Variants in EPHB4 observed in about 807,000 individuals in gnomAD.
The protein encoded by EPHB4 is EPH receptor B4.
A neutral mutation model predicts 110.6 loss-of-function variants in EPHB4; 50 were observed. That is an observed-to-expected ratio of 0.45 (90% CI 0.36 to 0.57). The LOEUF (loss-of-function observed/expected upper bound fraction) is 0.57, where lower values mean the gene tolerates loss of function less well. Ranked by LOEUF, EPHB4 falls within the 20% of genes least tolerant of loss-of-function variation. The pLI is 0.00. For missense variants in EPHB4, 1,128 were observed against 1,382.1 expected (o/e 0.82, Z 2.91); for synonymous variants, 592 against 578.4 (o/e 1.02, Z -0.34).
chr7:100,812,885 C>T lies in EPHB4; in HGVS notation c.1980G>A (p.Glu660=), dbSNP rs1584658071. The T allele has an allele frequency of 6.2e-7, 1 of 1,614,142 alleles. No individual in the cohort carries two copies. The highest frequency in any genetic ancestry group is 1.3e-5 in the African/African-American group (1 of 74,952). Residue 660 remains glutamate (E), a synonymous_variant, in exon 12 of 17, where the codon GAG becomes GAA. Transcript: ENST00000358173. ...KGGYTERQRR[E]FLSEASIMGQ... is the part of the protein sequence containing the mutation. ...CCATGATGGAGGCCTCGCTCAGAAA[C>T]TCACGCCGCTGCCGCTCCGTGTAGC...
chr7:100,820,407 G>A (rs1351389221), intron 4 of EPHB4, 111 bp from the exon 5 acceptor site: 1 of 1,369,356 alleles, frequency 7.3e-7, no homozygotes, highest in African/African-American at 1.5e-5. Context: ...GAGGCTGGAG[G>A]ATCGCTTGAG....
At position 100,812,911 on chromosome 7, in the gene EPHB4, C is replaced by T. The variant is rs950348363; in HGVS notation, c.1954G>A (p.Gly652Ser). The T allele has an allele frequency of 2.0e-5, 33 of 1,614,228 alleles. No individual in the cohort carries two copies. Among genetic ancestry groups the T allele is most frequent in the Non-Finnish European group, 2.8e-5 (33 of 1,180,046 alleles). The change falls in exon 12 of 17, where the codon GGC becomes AGC. Residue 652 changes from glycine to serine, a missense_variant. Coordinates refer to ENST00000358173, the MANE Select transcript of EPHB4 (RefSeq NM_004444.5). ...SCVAIKTLKG[G>S]YTERQRREFL... The stretch of plus-strand genomic sequence containing the variant: ...TCACGCCGCTGCCGCTCCGTGTAGC[C>T]ACCCTTCAGGGTCTTGATTGCCACA...
intron 12 of EPHB4, 47 bp downstream of exon 12, chr7:100,812,700 G>T (rs1562969121): frequency 1.9e-6 from 3 of 1,584,456 alleles, no homozygotes; most frequent in East Asian, 2.2e-5. Flanking sequence ...GCCTCTGGGT[G>T]TAAGTGGGAA....
rs1245972494 is a variant in EPHB4, at chr7:100,823,550, G to T, written c.411+94C>A. 2.7e-6 allele frequency: 4 copies of T among 1,496,912 alleles called. No homozygotes were observed. In the East Asian group the frequency reaches 6.9e-5, roughly 26 times the overall value. 92.7% of individuals were successfully genotyped at this position (1,496,912 alleles called of 1,614,324 possible). On this transcript the variant is annotated intron_variant, in intron 3 of 16. Coordinates refer to ENST00000358173, the MANE Select transcript of EPHB4 (RefSeq NM_004444.5). ...TCCAGCCCCCAGCGCGCGGGCCAGAGGCCTCGCAACTACATCGGCTGCCCT... is the reference window on the plus strand; with the variant it reads ...TCCAGCCCCCAGCGCGCGGGCCAGATGCCTCGCAACTACATCGGCTGCCCT...
At chr7:100,808,522 A>G (rs314353) in intron 12 of EPHB4, among the ~76,000 whole-genome samples, 76,650 of 152,014 alleles carry the variant, frequency 0.5, 20,587 homozygotes, top group Middle Eastern at 0.73. Context: ...TCACCTGAGC[A>G]ACCCGTCTAC....
intron 12 of EPHB4, among the ~76,000 whole-genome samples, chr7:100,812,032 C>T (rs1812947249): frequency 6.6e-6 from 1 of 151,946 alleles, no homozygotes; most frequent in Non-Finnish European, 1.5e-5. Context: ...ATTAGTCAAG[C>T]GTGGTGGCAC....
At chr7:100,810,531 C>A (rs1375245145) in intron 12 of EPHB4, among the ~76,000 whole-genome samples, 1 of 151,808 alleles carries the variant, frequency 6.6e-6, no homozygotes, top group Admixed American at 6.6e-5. Flanking sequence ...CGCTTGAGTC[C>A]AGGAGTTTGA....
At chr7:100,812,563 T>C (rs1420369911) in intron 12 of EPHB4, among the ~76,000 whole-genome samples, 184 bp downstream of exon 12, 1 of 152,016 alleles carries the variant, frequency 6.6e-6, no homozygotes, top group Non-Finnish European at 1.5e-5. Flanking sequence ...CACTCCAGCC[T>C]GGGCGACAGA....
At position 100,827,099 on chromosome 7, in the gene EPHB4, C is replaced by G. The variant is rs1284168428; in HGVS notation, c.-69G>C. On this transcript the variant is annotated 5_prime_UTR_variant, in exon 1 of 17. Coordinates refer to ENST00000358173, the MANE Select transcript of EPHB4 (RefSeq NM_004444.5). ...CCCTCGCCCCCCCAGGTCTGACTCTCCCTGGGCGGGTGGACGCCGATACTC... is the reference window on the plus strand; with the variant it reads ...CCCTCGCCCCCCCAGGTCTGACTCTGCCTGGGCGGGTGGACGCCGATACTC... The G allele has an allele frequency of 6.6e-7, 1 of 1,505,062 alleles. No homozygotes were observed. The highest frequency in any genetic ancestry group is 9.0e-7 in the Non-Finnish European group (1 of 1,114,062). 93.2% of individuals were successfully genotyped at this position (1,505,062 alleles called of 1,614,324 possible).
At chr7:100,814,521 C>T (rs1485009443) in intron 8 of EPHB4, among the ~76,000 whole-genome samples, 4 of 152,172 alleles carry the variant, frequency 2.6e-5, no homozygotes, top group Middle Eastern at 3.4e-3. Context: ...CATGCCCAGC[C>T]GCCAGAGTGG....
chr7:100,821,310 G>A (rs1813224994), intron 4 of EPHB4: 1 of 151,790 alleles, frequency 6.6e-6, no homozygotes, highest in Non-Finnish European at 1.5e-5. Context: ...ATGTTGGTCA[G>A]GCAGGTCGCC....
intron 7 of EPHB4, 37 bp from the exon 8 acceptor site, chr7:100,817,394 G>A (rs1461346122): frequency 1.3e-6 from 2 of 1,509,208 alleles, no homozygotes; most frequent in Non-Finnish European, 1.8e-6. Context: ...CGTCACCCGG[G>A]AACCCAAGTT....
rs539443201 is a variant in EPHB4 at position 100,812,001 on chromosome 7, C to T, written c.2118+746G>A. On this transcript the variant is annotated intron_variant, in intron 12 of 16. Transcript: ENST00000358173. ...AGCCTGACCAACACAGAGAAACCCC[C>T]GTCTCTACTAAAAATACAAAATTAG... 1.8e-4 allele frequency among the ~76,000 whole-genome samples: 27 copies of T among 151,832 alleles called. No individual in the cohort carries two copies. In the South Asian group the frequency reaches 4.2e-3, roughly 23 times the overall value.
rs141919245 is a variant in EPHB4, at chr7:100,826,955, G to GCC, written c.52+22_52+23dup. On this transcript the variant is annotated intron_variant, in intron 1 of 16. Coordinates refer to ENST00000358173, the MANE Select transcript of EPHB4 (RefSeq NM_004444.5). ...GGAGGTCCCAGGAGTGACGGGGTGC[G>GCC]CCCCCCCCCGCAAGGAAACTCACCT... 3.4e-3 allele frequency: 5,074 copies of GCC among 1,480,110 alleles called. 8 individuals carry two copies. The highest frequency in any genetic ancestry group is 0.013 in the East Asian group (484 of 38,278). The allele number at this position is 1,480,110 out of a possible 1,614,324, so 91.7% of individuals were successfully genotyped here.
At chr7:100,803,664 G>C in intron 16 of EPHB4, 74 bp from the exon 17 acceptor site, 3 of 1,472,130 alleles carry the variant, frequency 2.0e-6, no homozygotes, top group Non-Finnish European at 2.7e-6. Context: ...CTCCTGAGAC[G>C]GTCCTAGCCT....
intron 12 of EPHB4, among the ~76,000 whole-genome samples, chr7:100,811,268 T>C (rs314356): frequency 0.55 from 75,984 of 138,276 alleles, 20,485 homozygotes; most frequent in Middle Eastern, 0.75. Context: ...AAAGAAAAGC[T>C]TAATAAAGTT....
At chr7:100,820,411 G>C in intron 4 of EPHB4, 115 bp from the exon 5 acceptor site, 1 of 1,349,312 alleles carries the variant, frequency 7.4e-7, no homozygotes. Flanking sequence ...CTGGAGGATC[G>C]CTTGAGCCAA....
chr7:100,816,793 T>C (rs1813080260), intron 8 of EPHB4, among the ~76,000 whole-genome samples: 2 of 151,978 alleles, frequency 1.3e-5, no homozygotes, highest in Admixed American at 1.3e-4. Context: ...GACATGAAGA[T>C]AGGACTTTGA....
rs906578426 is a variant in EPHB4, at chr7:100,806,548, A to G, written c.2356T>C (p.Trp786Arg). The part of the protein sequence containing the change: ...SSLGGKIPIR[W>R]TAPEAIAFRK... ...AAGGCAATGGCCTCCGGGGCAGTCCATCGGATGGGAATCTTTCCTCCCTGC... is the reference window on the plus strand; with the variant it reads ...AAGGCAATGGCCTCCGGGGCAGTCCGTCGGATGGGAATCTTTCCTCCCTGC... The change falls in exon 14 of 17, where the codon TGG (tryptophan) becomes CGG (arginine). Residue 786 changes from tryptophan (W) to arginine (R), a missense_variant. By Grantham distance (101) the Trp-to-Arg change is moderately radical. Coordinates refer to ENST00000358173, the MANE Select transcript of EPHB4 (RefSeq NM_004444.5). 6.2e-7 allele frequency: 1 copy of G among 1,613,876 alleles called. No homozygotes were observed. Among genetic ancestry groups the G allele is most frequent in the Non-Finnish European group, 8.5e-7 (1 of 1,179,922 alleles).
Sources: gnomAD v4.1 joint callset for allele counts (sites outside exome capture counted in the v4.1 genomes callset) on GRCh38, gnomAD v4.1.1 for gene constraint, MANE v1.5 for transcripts, NCBI Gene and HGNC (gene_info 2026-07-23, HGNC 2026-07-21) for gene names.